The following PATJ variants were observed in gnomAD, a reference collection of about 807,000 sequenced individuals.
The protein encoded by PATJ is inaD-like protein.
In PATJ, 190 loss-of-function variants were observed where a neutral mutation model predicts 224.9. The ratio of observed to expected loss-of-function variants is 0.84; its 90% CI spans 0.75 to 0.95. The LOEUF is 0.95. PATJ is among the 40% of genes least tolerant of loss of function. PATJ has a pLI of 0.00. For synonymous variants in PATJ, 769 were observed against 820.3 expected, an observed-to-expected ratio of 0.94 and a Z score of 1.07; for missense variants, 2,121 against 2,270.3, an observed-to-expected ratio of 0.93 and a Z score of 1.34.
chr1:61,902,186 C>T (rs1210364099), intron 24 of PATJ, among the ~76,000 whole-genome samples: 4 of 151,264 alleles, frequency 2.6e-5, no homozygotes, highest in African/African-American at 4.9e-5. Context: ...GGACTTCCCT[C>T]CAGCCTGGGT....
intron 33 of PATJ, among the ~76,000 whole-genome samples, chr1:62,089,671 CTT>C (rs771741262): frequency 6.8e-6 from 1 of 147,274 alleles, no homozygotes; most frequent in Non-Finnish European, 1.5e-5. Flanking sequence ...TTTCATTTTT[CTT>C]TTTTTTTTTC....
intron 18 of PATJ, among the ~76,000 whole-genome samples, chr1:61,858,299 G>A (rs1664014493): frequency 6.6e-6 from 1 of 152,118 alleles, no homozygotes; most frequent in Non-Finnish European, 1.5e-5. Context: ...GCCTCACTCC[G>A]TCATCCAAGC....
chr1:61,932,731 C>A (rs1198138658), intron 27 of PATJ, among the ~76,000 whole-genome samples: 1 of 152,100 alleles, frequency 6.6e-6, no homozygotes, highest in East Asian at 1.9e-4. Flanking sequence ...GAAACCCCGT[C>A]TCTACTAAAA....
rs986068966 is a variant in PATJ, at chr1:61,813,358, T to G, written c.1683+4828T>G. On this transcript the variant is annotated intron_variant, in intron 14 of 43. Transcript: ENST00000642238. ...ACATATATATATATATATATATATA[T>G]ATATATATATATATATATATACACA... Among the ~76,000 whole-genome samples the G allele has an allele frequency of 1.3e-3, 70 of 53,006 alleles. 2 individuals are homozygous for G. The highest frequency in any genetic ancestry group is 2.5e-3 in the Non-Finnish European group (60 of 23,834). The allele number at this position is 53,006 out of a possible 152,430, so 34.8% of individuals were successfully genotyped here. A position where few individuals can be genotyped will look rare whatever the true frequency, so the allele number is the denominator to read the frequency against.
chr1:62,116,604 G>A lies in PATJ; in HGVS notation c.4728G>A (p.Gln1576=), dbSNP rs759062101. Reference sequence around the variant, plus strand: ...CAGACCTGGATGGGAGATTGATTCAGGGAGATCAGATCTTATCTGTGAATG... The same window carrying A: ...CAGACCTGGATGGGAGATTGATTCAAGGAGATCAGATCTTATCTGTGAATG... ...GAADLDGRLI[Q]GDQILSVNGE... is the part of the protein sequence containing the mutation. Residue 1576 remains glutamine, a synonymous_variant, in exon 36 of 44, where the codon CAG becomes CAA. Coordinates refer to ENST00000642238, the MANE Select transcript of PATJ (RefSeq NM_001350145.3). 4.3e-6 allele frequency: 7 copies of A among 1,614,080 alleles called. No homozygotes were observed. The highest frequency in any genetic ancestry group is 5.9e-6 in the Non-Finnish European group (7 of 1,179,980).
chr1:62,123,368 T>C (rs1389463244), intron 39 of PATJ, among the ~76,000 whole-genome samples: 1 of 151,858 alleles, frequency 6.6e-6, no homozygotes, highest in East Asian at 1.9e-4. Context: ...AAAACAAAAA[T>C]GGTATCATGT....
chr1:62,082,832 C>T (rs555528368), intron 32 of PATJ, among the ~76,000 whole-genome samples: 16 of 151,962 alleles, frequency 1.1e-4, no homozygotes, highest in African/African-American at 3.4e-4. Context: ...TCTTGATCCG[C>T]GAGCTATAGT....
intron 31 of PATJ, among the ~76,000 whole-genome samples, chr1:62,066,013 A>G (rs1332187198): frequency 2.0e-5 from 3 of 152,178 alleles, no homozygotes; most frequent in Admixed American, 1.3e-4. Context: ...TTATCTTTCA[A>G]AGGGAACTAT....
In PATJ at chr1:61,845,500, C is replaced by T. The variant is rs558729476; in HGVS notation, c.2113-10530C>T. Among the ~76,000 whole-genome samples the T allele has an allele frequency of 2.6e-5, 4 of 152,284 alleles. No homozygotes were observed. The South Asian group carries it at 8.3e-4, about 32-fold the overall frequency. On this transcript the variant is annotated intron_variant, in intron 17 of 43. Coordinates refer to ENST00000642238, the MANE Select transcript of PATJ (RefSeq NM_001350145.3). ...GAAGCCTTATGATCCCTTGCCTTTA[C>T]TCCTCTCACCTGGCCAAAGCTCTTC...
intron 26 of PATJ, among the ~76,000 whole-genome samples, chr1:61,923,836 C>T (rs1398587949): frequency 6.7e-6 from 1 of 149,140 alleles, no homozygotes; most frequent in Non-Finnish European, 1.5e-5. Context: ...GAAGGAGACT[C>T]GCATGAACCC....
At chr1:62,058,442 T>G (rs1288381113) in intron 31 of PATJ, among the ~76,000 whole-genome samples, 1 of 152,194 alleles carries the variant, frequency 6.6e-6, no homozygotes, top group Non-Finnish European at 1.5e-5. Flanking sequence ...CCAAATGGAC[T>G]GGGAACACTT....
At chr1:62,039,941 G>A (rs76591246) in intron 30 of PATJ, among the ~76,000 whole-genome samples, 20,460 of 151,614 alleles carry the variant, frequency 0.13, 1,522 homozygotes, top group South Asian at 0.23. Context: ...CCTGGTTGGG[G>A]GGTGGGGGCC....
rs1553280095 is a variant in PATJ at position 62,144,777 on chromosome 1, A to AAT, written c.5272-3489_5272-3488dup. ...TAGAATGTTATTTGCAAAAAAAAAA[A>AAT]ATATATATATATATATATAATTAGC... On this transcript the variant is annotated intron_variant, in intron 41 of 43. Coordinates refer to ENST00000642238, the MANE Select transcript of PATJ (RefSeq NM_001350145.3). Among the ~76,000 whole-genome samples, 38 of 119,098 alleles carry AAT rather than the reference A, an allele frequency of 3.2e-4. 2 individuals are homozygous for AAT. Among genetic ancestry groups the AAT allele is most frequent in the Admixed American group, 6.4e-4 (7 of 10,934 alleles). The allele number at this position is 119,098 out of a possible 152,430, so 78.1% of individuals were successfully genotyped here.
chr1:62,017,622 C>T (rs1277566117), intron 28 of PATJ, among the ~76,000 whole-genome samples: 3 of 150,980 alleles, frequency 2.0e-5, no homozygotes, highest in Admixed American at 2.0e-4. Flanking sequence ...ATTCCAGCTA[C>T]TCAGGAGGCT....
chr1:62,062,392 CTTTTT>C (rs60747316), intron 31 of PATJ, among the ~76,000 whole-genome samples: 4,696 of 27,918 alleles, frequency 0.17, 38 homozygotes, highest in Non-Finnish European at 0.23. Context: ...ATGTTGTCTT[CTTTTT>C]TTTTTTTTTT....
intron 41 of PATJ, among the ~76,000 whole-genome samples, chr1:62,131,478 CAAAT>C (rs1229501462): frequency 1.3e-5 from 2 of 152,052 alleles, no homozygotes; most frequent in African/African-American, 2.4e-5. Context: ...GTCTTCCTCA[CAAAT>C]AAATAAGAAG....
intron 25 of PATJ, among the ~76,000 whole-genome samples, chr1:61,910,731 G>A (rs1331916746): frequency 4.6e-5 from 7 of 151,006 alleles, no homozygotes; most frequent in African/African-American, 1.5e-4. Flanking sequence ...TTTTTTTCCC[G>A]CAGACAGGGT....
At chr1:62,129,113 C>A (rs1666024656) in intron 41 of PATJ, among the ~76,000 whole-genome samples, 168 bp downstream of exon 41, 1 of 152,156 alleles carries the variant, frequency 6.6e-6, no homozygotes, top group Admixed American at 6.5e-5. Context: ...TTCTTTAATG[C>A]CACCCATACA....
rs751472587 is a variant in PATJ at position 62,154,667 on chromosome 1, AAGAG to A, written c.5502+1198_5502+1201del. 5.6e-3 allele frequency among the ~76,000 whole-genome samples: 843 copies of A among 151,416 alleles called. 6 individuals are homozygous for A. Among genetic ancestry groups the A allele is most frequent in the Non-Finnish European group, 7.5e-3 (509 of 67,788 alleles). ...TCCATCTCAAAAAAAAAAAAAAGAA[AAGAG>A]AGAGAGAGAGATAAAGGTCTTTGAA... On this transcript the variant is annotated intron_variant, in intron 43 of 43. Coordinates refer to ENST00000642238, the MANE Select transcript of PATJ (RefSeq NM_001350145.3).
Sources: allele counts gnomAD v4.1 joint callset (sites outside exome capture counted in the v4.1 genomes callset), GRCh38; gene constraint gnomAD v4.1.1; transcripts MANE v1.5; gene names NCBI Gene and HGNC (gene_info 2026-07-23, HGNC 2026-07-21).